KCNIP4: variants seen among roughly 807,000 people sequenced by gnomAD.
The protein encoded by KCNIP4 is potassium voltage-gated channel interacting protein 4.
In KCNIP4, 12 loss-of-function variants were observed where a neutral mutation model predicts 34.0. The ratio of observed to expected loss-of-function variants is 0.35; its 90% CI spans 0.23 to 0.57. KCNIP4 has a LOEUF of 0.57. Ranked by LOEUF, KCNIP4 falls within the 20% of genes least tolerant of loss-of-function variation. The probability of loss-of-function intolerance (pLI) is 0.83; values close to 1 mark genes in which losing one functional copy is unlikely to be tolerated. For synonymous variants in KCNIP4, 124 were observed against 102.2 expected (o/e 1.21, Z -1.29); for missense variants, 238 against 311.7 (o/e 0.76, Z 1.78).
chr4:21,175,171 C>A (rs114510968), intron 1 of KCNIP4, among the ~76,000 whole-genome samples: 2,403 of 151,658 alleles, frequency 0.016, 53 homozygotes, highest in African/African-American at 0.053. Context: ...TAAATTATTT[C>A]TCTACAATCT....
chr4:21,007,625 A>G (rs11943894), intron 1 of KCNIP4, among the ~76,000 whole-genome samples: 2,413 of 152,244 alleles, frequency 0.016, 70 homozygotes, highest in African/African-American at 0.055. Context: ...CTGAAAGCAA[A>G]GCAAGTGAAA....
chr4:20,950,219 G>A (rs1209286784), intron 1 of KCNIP4, among the ~76,000 whole-genome samples: 4 of 151,094 alleles, frequency 2.6e-5, no homozygotes, highest in Non-Finnish European at 5.9e-5. Flanking sequence ...ACAGCTATTA[G>A]CTAGCATGGA....
At chr4:20,833,459 TG>T (rs1235559326) in intron 3 of KCNIP4, among the ~76,000 whole-genome samples, 2 of 150,770 alleles carry the variant, frequency 1.3e-5, no homozygotes, top group Admixed American at 1.3e-4. Flanking sequence ...CACTCCAGCC[TG>T]GGCAACAGAG....
chr4:21,700,772 T>C (rs1379146389), intron 1 of KCNIP4, among the ~76,000 whole-genome samples: 1 of 152,184 alleles, frequency 6.6e-6, no homozygotes, highest in East Asian at 1.9e-4. Flanking sequence ...AATATTTTTG[T>C]ATATGATGTG....
At chr4:21,720,344 C>G (rs905303841) in intron 1 of KCNIP4, among the ~76,000 whole-genome samples, 5 of 151,756 alleles carry the variant, frequency 3.3e-5, no homozygotes, top group Non-Finnish European at 7.4e-5. Flanking sequence ...ATTCAAAATC[C>G]AAAGACAAGT....
chr4:21,476,804 TTG>T (rs920514081), intron 1 of KCNIP4, among the ~76,000 whole-genome samples: 16 of 152,146 alleles, frequency 1.1e-4, no homozygotes, highest in Admixed American at 9.8e-4. Flanking sequence ...GCCAAAATAA[TTG>T]TGTGTGTCCC....
chr4:21,057,183 T>C (rs370432561), intron 1 of KCNIP4, among the ~76,000 whole-genome samples: 3 of 152,252 alleles, frequency 2.0e-5, no homozygotes, highest in East Asian at 3.9e-4. Flanking sequence ...TGGGAACTAA[T>C]TGAGGACCAT....
At chr4:21,250,474 G>T (rs1453258687) in intron 1 of KCNIP4, among the ~76,000 whole-genome samples, 1 of 152,042 alleles carries the variant, frequency 6.6e-6, no homozygotes, top group Admixed American at 6.6e-5. Flanking sequence ...CTCATGAAGT[G>T]GAATCCTACT....
intron 1 of KCNIP4, among the ~76,000 whole-genome samples, chr4:21,508,035 C>T (rs1733990159): frequency 6.6e-6 from 1 of 152,062 alleles, no homozygotes; most frequent in Non-Finnish European, 1.5e-5. Context: ...TTTATTTAGC[C>T]AAATTTCTTT....
rs536869135 is a variant in KCNIP4 at position 20,927,012 on chromosome 4, G to A, written c.62-44303C>T. Among the ~76,000 whole-genome samples the A allele has an allele frequency of 8.6e-5, 13 of 152,008 alleles. 1 individual carries two copies. Among genetic ancestry groups the A allele is most frequent in the African/African-American group, 2.9e-4 (12 of 41,440 alleles). On this transcript the variant is annotated intron_variant, in intron 1 of 8. Coordinates refer to ENST00000382152, the MANE Select transcript of KCNIP4 (RefSeq NM_025221.6). ...TTTTTGAGATGGAGTCTCGAGTCTC[G>A]CTCTATCGCCCAGGCTGGAGTGCAG... is the stretch of plus-strand genomic sequence containing the variant.
At chr4:21,673,735 G>A (rs1037637456) in intron 1 of KCNIP4, among the ~76,000 whole-genome samples, 1 of 152,166 alleles carries the variant, frequency 6.6e-6, no homozygotes, top group African/African-American at 2.4e-5. Context: ...GTGGTGGTGG[G>A]TAATGAACTA....
intron 1 of KCNIP4, among the ~76,000 whole-genome samples, chr4:21,364,508 TG>T (rs1719531603): frequency 6.6e-6 from 1 of 152,052 alleles, no homozygotes; most frequent in Admixed American, 6.6e-5. Context: ...ATGTGTTGGA[TG>T]AAAAAAAGAA....
chr4:20,982,366 C>A (rs547847258), intron 1 of KCNIP4, among the ~76,000 whole-genome samples: 2 of 152,262 alleles, frequency 1.3e-5, no homozygotes, highest in South Asian at 4.1e-4. Flanking sequence ...ATTGCTAGTA[C>A]TGTATTAAGA....
In KCNIP4 at chr4:21,200,354, GTA is replaced by G. The variant is rs1205574338; in HGVS notation, c.62-317647_62-317646del. On this transcript the variant is annotated intron_variant, in intron 1 of 8. Transcript: ENST00000382152. ...TATATATATACATACATATATGTGT[GTA>G]TATATATATACATACATATATGTGT... Among the ~76,000 whole-genome samples the G allele has an allele frequency of 4.1e-4, 25 of 60,682 alleles. 3 individuals carry two copies. The highest frequency in any genetic ancestry group is 2.8e-3 in the East Asian group (7 of 2,502). The allele number at this position is 60,682 out of a possible 152,430, so 39.8% of individuals were successfully genotyped here.
At chr4:21,635,163 A>C (rs1480399325) in intron 1 of KCNIP4, among the ~76,000 whole-genome samples, 1 of 152,212 alleles carries the variant, frequency 6.6e-6, no homozygotes, top group East Asian at 1.9e-4. Context: ...TATGAAATCC[A>C]GTACCCCTCC....
intron 1 of KCNIP4, among the ~76,000 whole-genome samples, chr4:21,138,421 C>T (rs1343430918): frequency 1.3e-5 from 2 of 152,088 alleles, no homozygotes; most frequent in African/African-American, 4.8e-5. Context: ...CAGAGCATGC[C>T]ATCATTCTTG....
intron 1 of KCNIP4, among the ~76,000 whole-genome samples, chr4:21,657,840 AATT>A (rs1748094822): frequency 8.6e-6 from 1 of 116,304 alleles, no homozygotes; most frequent in Admixed American, 1.1e-4. Flanking sequence ...GTTTAAACAT[AATT>A]TTTTTTTTTT....
chr4:21,737,924 A>C (rs1029203314), intron 1 of KCNIP4, among the ~76,000 whole-genome samples: 5 of 151,450 alleles, frequency 3.3e-5, no homozygotes, highest in South Asian at 2.1e-4. Flanking sequence ...CTCTACTAAA[A>C]ACACACACAC....
rs545093937 is a variant in KCNIP4 at position 21,065,638 on chromosome 4, C to G, written c.62-182929G>C. On this transcript the variant is annotated intron_variant, in intron 1 of 8. Transcript: ENST00000382152. The stretch of plus-strand genomic sequence containing the variant: ...CTGTACAATATTGTGGGAATATAAA[C>G]TACAATATAATCCAGTGGTTTAGTA... 9.5e-5 allele frequency among the ~76,000 whole-genome samples: 14 copies of G among 147,498 alleles called. No homozygotes were observed. In the East Asian group the frequency reaches 2.6e-3, roughly 27 times the overall value.
Sources: gnomAD v4.1 joint callset for allele counts (sites outside exome capture counted in the v4.1 genomes callset) on GRCh38, gnomAD v4.1.1 for gene constraint, MANE v1.5 for transcripts, NCBI Gene and HGNC (gene_info 2026-07-23, HGNC 2026-07-21) for gene names.